Variants in KHDC4 observed in about 807,000 individuals in gnomAD.
The protein encoded by KHDC4 is KH domain containing 4, pre-mRNA splicing factor, also known as KH homology domain-containing protein 4.
Under a neutral mutation model 74.5 loss-of-function variants are expected in KHDC4, and 19 were observed. That is an observed-to-expected ratio of 0.26 (90% CI 0.18 to 0.37). The LOEUF (loss-of-function observed/expected upper bound fraction) is 0.37. Among genes scored for constraint, KHDC4 ranks in the 10% least tolerant of loss-of-function variants. The pLI, the probability that KHDC4 is intolerant of heterozygous loss-of-function variation, is 1.00. For synonymous variants in KHDC4, 253 were observed against 266.1 expected, an observed-to-expected ratio of 0.95 and a Z score of 0.48; for missense variants, 632 against 754.1, an observed-to-expected ratio of 0.84 and a Z score of 1.90.
intron 1 of KHDC4, among the ~76,000 whole-genome samples, 179 bp from the exon 2 acceptor site, chr1:155,934,028 C>CT (rs1674199433): frequency 6.6e-6 from 1 of 152,194 alleles, no homozygotes; most frequent in Non-Finnish European, 1.5e-5. Flanking sequence ...CAAACCCCCA[C>CT]TTTCAACCCT....
intron 8 of KHDC4, among the ~76,000 whole-genome samples, chr1:155,922,238 A>G (rs1287933390): frequency 6.7e-6 from 1 of 148,584 alleles, no homozygotes; most frequent in Non-Finnish European, 1.5e-5. Flanking sequence ...CTCCACCTTC[A>G]CGGTTTAAGC....
intron 10 of KHDC4, among the ~76,000 whole-genome samples, chr1:155,918,382 G>A (rs1229378157): frequency 6.6e-6 from 1 of 152,118 alleles, no homozygotes; most frequent in Non-Finnish European, 1.5e-5. Context: ...ACAGGCACGT[G>A]CCACCATGCA....
chr1:155,917,459 G>A (rs1392492175), intron 11 of KHDC4, 40 bp downstream of exon 11: 1 of 1,472,950 alleles, frequency 6.8e-7, no homozygotes, highest in Middle Eastern at 1.8e-4. Context: ...TATAGTAGAA[G>A]AATAAGGTGA....
In KHDC4 at chr1:155,929,390, G is replaced by A; in HGVS notation, c.385-15C>T. The A allele has an allele frequency of 6.2e-7, 1 of 1,604,896 alleles. No individual in the cohort carries two copies. The highest frequency in any genetic ancestry group is 8.5e-7 in the Non-Finnish European group (1 of 1,173,416). On this transcript the variant is annotated splice_polypyrimidine_tract_variant and intron_variant, in intron 3 of 13. Coordinates refer to ENST00000368321, the MANE Select transcript of KHDC4 (RefSeq NM_014949.4). ...AGTCGGCTGATCTAAAAAAGGAAAT[G>A]TTCAATTAAAAAAATGTGGCAATTG...
At chr1:155,926,038 T>C in intron 6 of KHDC4, 195 bp from the exon 7 acceptor site, 1 of 747,794 alleles carries the variant, frequency 1.3e-6, no homozygotes, top group East Asian at 2.5e-5. Flanking sequence ...AGGAGGAATG[T>C]ATCAGCAAAG....
At chr1:155,931,960 T>C (rs1435542504) in intron 2 of KHDC4, among the ~76,000 whole-genome samples, 1 of 152,318 alleles carries the variant, frequency 6.6e-6, no homozygotes, top group Admixed American at 6.5e-5. Flanking sequence ...TTCTAGTCTA[T>C]CAGTCGAATA....
At chr1:155,925,497 A>T in intron 7 of KHDC4, 135 bp downstream of exon 7, 2 of 707,412 alleles carry the variant, frequency 2.8e-6, no homozygotes. Flanking sequence ...TTATAAAGTA[A>T]TTACTCCTAG....
At position 155,927,803 on chromosome 1, in the gene KHDC4, CAAAAAAAAAAAA is replaced by C. The variant is rs1157393289; in HGVS notation, c.465-659_465-648del. Among the ~76,000 whole-genome samples, 18 of 8,140 alleles carry C rather than the reference CAAAAAAAAAAAA, an allele frequency of 2.2e-3. No individual in the cohort carries two copies. The South Asian group carries it at 0.023, about 11-fold the overall frequency. 5.3% of individuals were successfully genotyped at this position (8,140 alleles called of 152,430 possible). A position where few individuals can be genotyped will look rare whatever the true frequency, so the allele number is the denominator to read the frequency against. ...GGGCAACAGAACAAGACTCTGTCTC[CAAAAAAAAAAAA>C]AAAAAAAAAAAAAAAACCACACACA... is the stretch of plus-strand genomic sequence containing the variant. On this transcript the variant is annotated intron_variant, in intron 4 of 13. Coordinates refer to ENST00000368321, the MANE Select transcript of KHDC4 (RefSeq NM_014949.4).
chr1:155,919,882 A>AATTTAGTT (rs1452322194), intron 10 of KHDC4: 1 of 269,356 alleles, frequency 3.7e-6, no homozygotes, highest in Non-Finnish European at 7.7e-6. Flanking sequence ...CCACAAATAA[A>AATTTAGTT]ATTTAGTTCA....
At chr1:155,926,606 T>C (rs1034525235) in intron 6 of KHDC4, 70 bp downstream of exon 6, 2 of 1,540,824 alleles carry the variant, frequency 1.3e-6, no homozygotes, top group Non-Finnish European at 1.8e-6. Flanking sequence ...AATGAGCCAC[T>C]GTGCCTGGCC....
intron 12 of KHDC4, 38 bp from the exon 13 acceptor site, chr1:155,916,002 T>C: frequency 1.5e-6 from 2 of 1,312,742 alleles, no homozygotes; most frequent in African/African-American, 3.0e-5. Flanking sequence ...TTCAGACAAT[T>C]TAAATTTTCT....
chr1:155,918,735 G>A (rs1330268474), intron 10 of KHDC4, among the ~76,000 whole-genome samples: 2 of 152,182 alleles, frequency 1.3e-5, no homozygotes, highest in Admixed American at 6.5e-5. Flanking sequence ...CATATGTGCA[G>A]TCTATCACTG....
At chr1:155,931,549 C>G (rs1572015061) in intron 2 of KHDC4, among the ~76,000 whole-genome samples, 1 of 152,184 alleles carries the variant, frequency 6.6e-6, no homozygotes, top group East Asian at 1.9e-4. Flanking sequence ...GGCAATCAAG[C>G]CAGACCCTGG....
At chr1:155,929,591 T>C in intron 3 of KHDC4, 121 bp downstream of exon 3, 4 of 1,194,246 alleles carry the variant, frequency 3.3e-6, no homozygotes, top group Non-Finnish European at 3.5e-6. Flanking sequence ...TTAAACCCAA[T>C]CCTGACTTTA....
intron 10 of KHDC4, among the ~76,000 whole-genome samples, chr1:155,920,514 A>G (rs1418799694): frequency 1.3e-5 from 2 of 152,160 alleles, no homozygotes; most frequent in South Asian, 2.1e-4. Context: ...TTACATTTGA[A>G]AAGTTTATAT....
intron 12 of KHDC4, among the ~76,000 whole-genome samples, chr1:155,916,375 G>A (rs1208712596): frequency 6.6e-6 from 1 of 152,134 alleles, no homozygotes; most frequent in Non-Finnish European, 1.5e-5. Context: ...CCAAGATGCA[G>A]ACAATGGAAG....
intron 4 of KHDC4, among the ~76,000 whole-genome samples, chr1:155,928,585 C>G (rs1028913842): frequency 5.6e-5 from 5 of 89,308 alleles, no homozygotes; most frequent in Non-Finnish European, 1.1e-4. Context: ...CTATAACCAT[C>G]ATAAAGACAA....
chr1:155,914,577 GA>G (rs1034132968), intron 13 of KHDC4: 2 of 397,390 alleles, frequency 5.0e-6, no homozygotes, highest in South Asian at 5.1e-5. Context: ...GAAAAAAAAA[GA>G]AAAAAAGGAA....
At chr1:155,923,050 A>G (rs1673901103) in intron 8 of KHDC4, among the ~76,000 whole-genome samples, 1 of 152,096 alleles carries the variant, frequency 6.6e-6, no homozygotes. Flanking sequence ...CTAAAAATAC[A>G]AAAAAGTAGC....
Sources: allele counts gnomAD v4.1 joint callset (sites outside exome capture counted in the v4.1 genomes callset), GRCh38; gene constraint gnomAD v4.1.1; transcripts MANE v1.5; gene names NCBI Gene and HGNC (gene_info 2026-07-23, HGNC 2026-07-21).